The following PTPN22 variants were observed in gnomAD, a reference collection of about 807,000 sequenced individuals.
PTPN22 encodes the protein tyrosine-protein phosphatase non-receptor type 22.
PTPN22 carries 85 observed loss-of-function variants against 103.3 expected under a neutral mutation model. The ratio of observed to expected loss-of-function variants is 0.82; its 90% CI spans 0.69 to 0.99. The LOEUF is 0.99. Ranked by LOEUF, PTPN22 falls within the 50% of genes least tolerant of loss-of-function variation. The pLI is 0.00. For missense variants in PTPN22, 865 were observed against 936.9 expected (o/e 0.92, Z 1.00); for synonymous variants, 323 against 310.2 (o/e 1.04, Z -0.43).
At chr1:113,819,478 T>C (rs1661417058) in intron 20 of PTPN22, 99 bp downstream of exon 20, 1 of 823,250 alleles carries the variant, frequency 1.2e-6, no homozygotes, top group Non-Finnish European at 1.9e-6. Context: ...TAAGGACCTA[T>C]ACATGCAACC....
At chr1:113,835,363 A>G (rs1032318176) in intron 13 of PTPN22, among the ~76,000 whole-genome samples, 7 of 152,100 alleles carry the variant, frequency 4.6e-5, no homozygotes, top group Non-Finnish European at 1.0e-4. Flanking sequence ...CTAAAAACAC[A>G]AAACATTAGC....
At chr1:113,834,520 A>G in intron 14 of PTPN22, 81 bp from the exon 15 acceptor site, 1 of 1,402,750 alleles carries the variant, frequency 7.1e-7, no homozygotes, top group Non-Finnish European at 1.0e-6. Flanking sequence ...ATAATACATA[A>G]AACATTGAAA....
Position 113,838,262 on chromosome 1 carries a change from A to G in PTPN22, c.1138T>C (p.Phe380Leu). The G allele has an allele frequency of 3.1e-6, 5 of 1,614,114 alleles. No individual in the cohort carries two copies. The highest frequency in any genetic ancestry group is 4.2e-6 in the Non-Finnish European group (5 of 1,180,012). Residue 380 changes from phenylalanine to leucine, a missense_variant, in exon 13 of 21, where the codon TTT becomes CTT. Around this residue, in one of 3 missense-constraint regions of PTPN22, gnomAD observed 457 missense variants for 529.1 expected, o/e 0.86. Coordinates refer to ENST00000359785, the Ensembl canonical transcript of PTPN22. ...TCAAAACTGTAATTTAGCTCCAGAA[A>G]GTCAAAAGAAGTGCTTGATTTAGCA...
Position 113,819,656 on chromosome 1 carries a change from T to G in PTPN22, c.2282-2A>C, listed in dbSNP as rs144417490. 5.9e-5 allele frequency: 94 copies of G among 1,584,754 alleles called. No homozygotes were observed. The highest frequency in any genetic ancestry group is 8.1e-5 in the Non-Finnish European group (94 of 1,160,594). On this transcript the variant is annotated splice_acceptor_variant, in intron 19 of 20. Coordinates refer to ENST00000359785, the Ensembl canonical transcript of PTPN22. LOFTEE classifies it high-confidence loss of function. ...TTGGTGGGCAAGAATTACAGATACCTAGAATCAAAAGAAAAAAATATAAGG... is the reference window on the plus strand; with the variant it reads ...TTGGTGGGCAAGAATTACAGATACCGAGAATCAAAAGAAAAAAATATAAGG...
At chr1:113,819,177 T>C (rs1292391091) in intron 20 of PTPN22, 2 of 153,312 alleles carry the variant, frequency 1.3e-5, no homozygotes, top group African/African-American at 4.8e-5. Context: ...AGAATTGTGC[T>C]TCATTTCCTA....
intron 1 of PTPN22, 35 bp from the exon 2 acceptor site, chr1:113,859,495 A>G (rs1371251295): frequency 1.3e-6 from 2 of 1,521,610 alleles, no homozygotes; most frequent in Non-Finnish European, 1.8e-6. Context: ...TAATCTTCCT[A>G]GAGAAATGAG....
exon 7 of PTPN22, chr1:113,856,395 A>G: frequency 6.4e-7 from 1 of 1,574,100 alleles, no homozygotes; most frequent in South Asian, 1.1e-5. Flanking sequence ...ATTGAACTTA[A>G]CTTTTAGAGT....
chr1:113,834,458 A>T lies in PTPN22; in HGVS notation c.1895-19T>A. The T allele has an allele frequency of 6.2e-7, 1 of 1,606,784 alleles. No homozygotes were observed. The highest frequency in any genetic ancestry group is 8.5e-7 in the Non-Finnish European group (1 of 1,173,514). ...AATTCTCCTGGAAGAAAGTGAATAT[A>T]GTTCGGTTCTTAAGAATAGTATTCT... On this transcript the variant is annotated intron_variant, in intron 14 of 20. Coordinates refer to ENST00000359785, the Ensembl canonical transcript of PTPN22.
At chr1:113,819,413 G>T in intron 20 of PTPN22, 164 bp downstream of exon 20, 1 of 426,362 alleles carries the variant, frequency 2.3e-6, no homozygotes, top group Admixed American at 4.0e-5. Context: ...GAGATGTTAA[G>T]AGGTAGTTAA....
intron 2 of PTPN22, 111 bp from the exon 3 acceptor site, chr1:113,859,189 T>C: frequency 6.5e-7 from 1 of 1,542,542 alleles, no homozygotes; most frequent in Non-Finnish European, 8.7e-7. Flanking sequence ...AGTGAGTGAA[T>C]GAATGAATGA....
chr1:113,836,716 C>A (rs1663048306), intron 13 of PTPN22, among the ~76,000 whole-genome samples: 1 of 151,286 alleles, frequency 6.6e-6, no homozygotes, highest in African/African-American at 2.4e-5. Flanking sequence ...TTGCTTGAGG[C>A]CAGATTTTCA....
intron 15 of PTPN22, among the ~76,000 whole-genome samples, chr1:113,833,811 T>G (rs1662753495): frequency 6.6e-6 from 1 of 152,232 alleles, no homozygotes; most frequent in African/African-American, 2.4e-5. Flanking sequence ...CCAAAAGGTT[T>G]ATCTTAAGTA....
At position 113,859,353 on chromosome 1, in the gene PTPN22, G is replaced by A. The variant is rs772152230; in HGVS notation, c.195C>T (p.Pro65=). 3 of 1,607,590 alleles carry A rather than the reference G, an allele frequency of 1.9e-6. No homozygotes were observed. The African/African-American group carries it at 4.0e-5, about 22-fold the overall frequency. The change falls in exon 2 of 21, where the codon CCC becomes CCT. Residue 65 remains proline (P), a splice_region_variant and synonymous_variant. Coordinates refer to ENST00000359785, the Ensembl canonical transcript of PTPN22. The stretch of plus-strand genomic sequence containing the variant: ...TTTATAGAGAGAAATGGAACTTACA[G>A]GGCAAAATATCCTTATATCTGTTTT...
At chr1:113,857,868 G>T in intron 4 of PTPN22, 92 bp from the exon 5 acceptor site, 3 of 1,183,100 alleles carry the variant, frequency 2.5e-6, no homozygotes, top group East Asian at 2.6e-5. Context: ...AGTATTAACC[G>T]TTCTTTTTTC....
At chr1:113,826,379 AGGGAAGTGAAGGGAGAAG>A (rs1156906524) in intron 18 of PTPN22, among the ~76,000 whole-genome samples, 1 of 133,644 alleles carries the variant, frequency 7.5e-6, no homozygotes, top group Non-Finnish European at 1.6e-5. Context: ...AGACAGAGGA[AGGGAAGTGAAGGGAGAAG>A]GGGAAGGGAA....
At chr1:113,816,029 T>TA (rs1661119046) in intron 20 of PTPN22, among the ~76,000 whole-genome samples, 1 of 152,182 alleles carries the variant, frequency 6.6e-6, no homozygotes, top group African/African-American at 2.4e-5. Flanking sequence ...TTTAGGGACT[T>TA]AAAGTAAGAA....
At chr1:113,854,667 C>G in intron 8 of PTPN22, 130 bp from the exon 9 acceptor site, 1 of 1,026,566 alleles carries the variant, frequency 9.7e-7, no homozygotes. Context: ...CTTTCCAAAC[C>G]CCACCATTTC....
chr1:113,856,407 C>T (rs760163476), exon 7 of PTPN22: 22 of 1,583,398 alleles, frequency 1.4e-5, no homozygotes, highest in South Asian at 2.3e-5. Flanking sequence ...TTTTAGAGTC[C>T]TGATTATATA....
intron 19 of PTPN22, among the ~76,000 whole-genome samples, chr1:113,822,333 G>A (rs1661682752): frequency 6.6e-6 from 1 of 152,148 alleles, no homozygotes; most frequent in South Asian, 2.1e-4. Context: ...TTTCTGTGAA[G>A]CATGTTTAAA....
Sources: gnomAD v4.1 joint callset for allele counts (sites outside exome capture counted in the v4.1 genomes callset) on GRCh38, gnomAD v4.1.1 for gene constraint, gnomAD v4.1.1 regional missense constraint, MANE v1.5 for transcripts, NCBI Gene and HGNC (gene_info 2026-07-23, HGNC 2026-07-21) for gene names.